The following CAB39 variants were observed in gnomAD, a reference collection of about 807,000 sequenced individuals.
The protein encoded by CAB39 is calcium-binding protein 39.
CAB39 carries 8 observed loss-of-function variants against 40.0 expected under a neutral mutation model. That is an observed-to-expected ratio of 0.20 (90% confidence interval 0.12 to 0.36). The LOEUF (loss-of-function observed/expected upper bound fraction) is 0.36, where lower values mean the gene tolerates loss of function less well. CAB39 is among the 10% of genes least tolerant of loss of function. The pLI is 1.00. For synonymous variants in CAB39, 156 were observed against 141.6 expected, an observed-to-expected ratio of 1.10 and a Z score of -0.72; for missense variants, 270 against 401.1, an observed-to-expected ratio of 0.67 and a Z score of 2.79.
chr2:230,731,357 T>G (rs13410153), intron 1 of CAB39, among the ~76,000 whole-genome samples: 54,493 of 152,096 alleles, frequency 0.36, 13,709 homozygotes, highest in African/African-American at 0.71. Flanking sequence ...AGGTTGTTAA[T>G]ATACTCATGT....
At chr2:230,794,001 A>G (rs1163365954) in intron 4 of CAB39, among the ~76,000 whole-genome samples, 1 of 152,062 alleles carries the variant, frequency 6.6e-6, no homozygotes, top group African/African-American at 2.4e-5. Flanking sequence ...TGGCAAGGTA[A>G]CCTCCTGCTG....
At chr2:230,745,466 C>T (rs1357358575) in intron 1 of CAB39, among the ~76,000 whole-genome samples, 1 of 152,300 alleles carries the variant, frequency 6.6e-6, no homozygotes, top group South Asian at 2.1e-4. Flanking sequence ...CCTATGCTTG[C>T]ACTCCGGAGA....
intron 5 of CAB39, among the ~76,000 whole-genome samples, chr2:230,802,740 A>T (rs1033561131): frequency 2.0e-5 from 3 of 152,202 alleles, no homozygotes; most frequent in Non-Finnish European, 4.4e-5. Flanking sequence ...GACCAATAAC[A>T]GGCTCTGAAA....
intron 2 of CAB39, among the ~76,000 whole-genome samples, 193 bp from the exon 3 acceptor site, chr2:230,790,679 G>A (rs1695878317): frequency 1.3e-5 from 2 of 152,190 alleles, no homozygotes; most frequent in African/African-American, 2.4e-5. Context: ...GTGTATGCAT[G>A]TTGGTCCCCA....
chr2:230,785,060 G>A (rs926004391), intron 2 of CAB39, among the ~76,000 whole-genome samples: 8 of 152,156 alleles, frequency 5.3e-5, no homozygotes, highest in African/African-American at 1.7e-4. Flanking sequence ...TGTGGGCTCC[G>A]GTGTGCCTAA....
chr2:230,792,755 C>A (rs771156605), intron 3 of CAB39, among the ~76,000 whole-genome samples: 1 of 152,154 alleles, frequency 6.6e-6, no homozygotes. Flanking sequence ...CAGAATTATT[C>A]CATTTTTAAT....
At chr2:230,791,749 G>T (rs926173058) in intron 3 of CAB39, among the ~76,000 whole-genome samples, 16 of 152,272 alleles carry the variant, frequency 1.1e-4, no homozygotes, top group African/African-American at 3.9e-4. Context: ...GCCCTGGTAG[G>T]CATTTGACAT....
chr2:230,793,179 C>A, intron 3 of CAB39, 34 bp from the exon 4 acceptor site: 2 of 1,228,960 alleles, frequency 1.6e-6, no homozygotes, highest in Non-Finnish European at 2.4e-6. Flanking sequence ...GATGTTTGGT[C>A]AGGAAAATGT....
chr2:230,721,610 G>A (rs369514607), intron 1 of CAB39, among the ~76,000 whole-genome samples: 2 of 152,178 alleles, frequency 1.3e-5, no homozygotes, highest in Admixed American at 6.5e-5. Flanking sequence ...ACGTAAAGCC[G>A]TGTTTCCCAA....
At position 230,818,754 on chromosome 2, in the gene CAB39, T is replaced by C. The variant is rs373497400; in HGVS notation, c.*50T>C. ...TCCAAATTCAGCATTTGCTGTTAGC[T>C]ATTCAGCATCAGGCACTCTTATTGA... On this transcript the variant is annotated 3_prime_UTR_variant, in exon 9 of 9. Coordinates refer to ENST00000258418, the MANE Select transcript of CAB39 (RefSeq NM_016289.4). 89 of 1,429,614 alleles carry C rather than the reference T, an allele frequency of 6.2e-5. No individual in the cohort carries two copies. The African/African-American group carries it at 1.1e-3, about 18-fold the overall frequency. 88.6% of individuals were successfully genotyped at this position (1,429,614 alleles called of 1,614,324 possible).
intron 4 of CAB39, among the ~76,000 whole-genome samples, chr2:230,797,778 C>A (rs1476682571): frequency 6.6e-6 from 1 of 152,074 alleles, no homozygotes; most frequent in African/African-American, 2.4e-5. Flanking sequence ...GAAAGGAGAA[C>A]ATGAAAGGTT....
chr2:230,723,344 T>C (rs1694490682), intron 1 of CAB39, among the ~76,000 whole-genome samples: 1 of 152,020 alleles, frequency 6.6e-6, no homozygotes, highest in Admixed American at 6.6e-5. Context: ...GTTTAAACAC[T>C]TCATTTTAAT....
At chr2:230,780,558 A>T (rs1046077296) in intron 2 of CAB39, among the ~76,000 whole-genome samples, 5 of 152,224 alleles carry the variant, frequency 3.3e-5, no homozygotes, top group African/African-American at 1.2e-4. Flanking sequence ...TCTGAGAAAT[A>T]CTAGTCAGCT....
rs930323359 is a variant in CAB39 at position 230,819,598 on chromosome 2, T to C, written c.*894T>C. The stretch of plus-strand genomic sequence containing the variant: ...TTTTGCAAAAAACAATGAATGCTCA[T>C]ATGTAATTGAAATACTTCAGATCAC... On this transcript the variant is annotated 3_prime_UTR_variant, in exon 9 of 9. Transcript: ENST00000258418. 1 of 152,658 alleles carries C rather than the reference T, an allele frequency of 6.6e-6. No homozygotes were observed. The highest frequency in any genetic ancestry group is 1.5e-5 in the Non-Finnish European group (1 of 68,040). 9.5% of individuals were successfully genotyped at this position (152,658 alleles called of 1,614,324 possible).
intron 1 of CAB39, among the ~76,000 whole-genome samples, chr2:230,743,740 A>G (rs1694923756): frequency 6.6e-6 from 1 of 152,140 alleles, no homozygotes; most frequent in African/African-American, 2.4e-5. Context: ...GTAAACAACA[A>G]AAGACATTTG....
intron 1 of CAB39, among the ~76,000 whole-genome samples, chr2:230,751,165 A>G (rs1220610365): frequency 6.6e-6 from 1 of 152,210 alleles, no homozygotes; most frequent in South Asian, 2.1e-4. Context: ...GTAGGCAACT[A>G]TCTTATGATG....
At chr2:230,812,491 C>A (rs1001898251) in intron 6 of CAB39, among the ~76,000 whole-genome samples, 2 of 152,174 alleles carry the variant, frequency 1.3e-5, no homozygotes, top group African/African-American at 2.4e-5. Context: ...AAGTTTCTTG[C>A]AACCAAGCTT....
intron 6 of CAB39, 54 bp from the exon 7 acceptor site, chr2:230,813,995 T>TTTTTTTTG (rs1696352688): frequency 2.3e-6 from 1 of 434,398 alleles, no homozygotes; most frequent in Non-Finnish European, 4.0e-6. Context: ...TTTTTTTTTT[T>TTTTTTTTG]TTTTTTTTTT....
In CAB39 at chr2:230,760,121, G is replaced by A; in HGVS notation, c.114+6G>A. ...CTGATAAAAAAGCAGAAAAGGTATG[G>A]ATTTGGCTTTATTTATATTTGAAAT... On this transcript the variant is annotated splice_donor_region_variant and intron_variant, in intron 2 of 8. Coordinates refer to ENST00000258418, the MANE Select transcript of CAB39 (RefSeq NM_016289.4). The A allele has an allele frequency of 6.4e-7, 1 of 1,556,610 alleles. No homozygotes were observed. Among genetic ancestry groups the A allele is most frequent in the Non-Finnish European group, 8.9e-7 (1 of 1,128,522 alleles).
Sources: gnomAD v4.1 joint callset for allele counts (sites outside exome capture counted in the v4.1 genomes callset) on GRCh38, gnomAD v4.1.1 for gene constraint, MANE v1.5 for transcripts, NCBI Gene and HGNC (gene_info 2026-07-23, HGNC 2026-07-21) for gene names.